Variants in RAB17 observed in about 807,000 individuals in gnomAD.
The protein encoded by RAB17 is ras-related protein Rab-17.
Under a neutral mutation model 19.3 loss-of-function variants are expected in RAB17, and 15 were observed. That is an observed-to-expected ratio of 0.78 (90% CI 0.52 to 1.20). The LOEUF is 1.20. RAB17 is among the 50% of genes most tolerant of loss of function. RAB17 has a pLI of 0.00. For missense variants in RAB17, 262 were observed against 269.3 expected, an observed-to-expected ratio of 0.97 and a Z score of 0.19; for synonymous variants, 110 against 112.8, an observed-to-expected ratio of 0.97 and a Z score of 0.16.
intron 2 of RAB17, among the ~76,000 whole-genome samples, chr2:237,581,995 C>A (rs1934999965): frequency 6.6e-6 from 1 of 152,260 alleles, no homozygotes; most frequent in South Asian, 2.1e-4. Flanking sequence ...GGAGGTCCAG[C>A]CCCCGTCCCT....
chr2:237,577,142 AGTGTGTGCGTGTGT>A (rs768786350), intron 4 of RAB17, 101 bp downstream of exon 4: 10 of 1,256,668 alleles, frequency 8.0e-6, no homozygotes, highest in Non-Finnish European at 1.1e-5. Flanking sequence ...CACATGTGTA[AGTGTGTGCGTGTGT>A]GGGTGTGCGT....
At chr2:237,589,941 T>G (rs935853088) in intron 1 of RAB17, among the ~76,000 whole-genome samples, 3 of 152,244 alleles carry the variant, frequency 2.0e-5, no homozygotes, top group African/African-American at 7.2e-5. Flanking sequence ...TGTGTCACCC[T>G]TGCCTGGGGC....
chr2:237,580,048 G>A (rs1323222698), intron 2 of RAB17, among the ~76,000 whole-genome samples: 1 of 152,344 alleles, frequency 6.6e-6, no homozygotes, highest in African/African-American at 2.4e-5. Flanking sequence ...TGACAATGGT[G>A]CCAGAATGAA....
chr2:237,575,049 G>C lies in RAB17; in HGVS notation c.609C>G (p.Pro203=), dbSNP rs368761463. ...GDAAVALNKG[P]ARQAKCCAH ...GGGCGCAGCATTTGGCCTGCCTCGC[G>C]GGCCCCTTGTTCAGAGCCACAGCTG... The change falls in exon 6 of 6, where the codon CCC becomes CCG. Residue 203 remains proline (P), a synonymous_variant. Coordinates refer to ENST00000264601, the MANE Select transcript of RAB17 (RefSeq NM_022449.4). The C allele has an allele frequency of 1.2e-6, 2 of 1,613,264 alleles. No homozygotes were observed. The highest frequency in any genetic ancestry group is 3.3e-5 in the Admixed American group (2 of 59,986).
In RAB17 at chr2:237,578,014, A is replaced by T. The variant is rs768663925; in HGVS notation, c.299T>A (p.Ile100Asn). The T allele has an allele frequency of 1.1e-5, 17 of 1,601,738 alleles. No individual in the cohort carries two copies. The highest frequency in any genetic ancestry group is 1.5e-5 in the Non-Finnish European group (17 of 1,170,096). Residue 100 changes from isoleucine (I) to asparagine (N), a missense_variant, in exon 3 of 6, where the codon ATC becomes AAC. Transcript: ENST00000264601. ...GANAALLVYDITRKDSFLKAQ... is the reference protein window; with the variant it reads ...GANAALLVYDNTRKDSFLKAQ... ...CAAGGCGGGCCCTACCTTCCTGGTG[A>T]TGTCGTACACCAGAAGCGCAGCGTT... is the stretch of plus-strand genomic sequence containing the variant.
rs1175229687 is a variant in RAB17, at chr2:237,590,621, A to G, written c.-158T>C. Reference sequence around the variant, plus strand: ...ACAGGACAGGAGGAGCCTCTACTCCAATGGAAAACAGCCGCAGAGCAGAGG... The same window carrying G: ...ACAGGACAGGAGGAGCCTCTACTCCGATGGAAAACAGCCGCAGAGCAGAGG... On this transcript the variant is annotated 5_prime_UTR_variant, in exon 1 of 6. Coordinates refer to ENST00000264601, the MANE Select transcript of RAB17 (RefSeq NM_022449.4). The G allele has an allele frequency of 6.6e-6, 1 of 152,520 alleles. No homozygotes were observed. The highest frequency in any genetic ancestry group is 1.5e-5 in the Non-Finnish European group (1 of 68,322). 9.4% of individuals were successfully genotyped at this position (152,520 alleles called of 1,614,324 possible).
intron 2 of RAB17, among the ~76,000 whole-genome samples, chr2:237,579,728 A>AGACG (rs2081294283): frequency 6.7e-6 from 1 of 149,818 alleles, no homozygotes; most frequent in Non-Finnish European, 1.5e-5. Context: ...TGCACCCACT[A>AGACG]GACAGAGAAC....
chr2:237,585,521 T>G (rs1210911261), intron 2 of RAB17: 1 of 114,968 alleles, frequency 8.7e-6, no homozygotes, highest in Non-Finnish European at 1.9e-5. Flanking sequence ...CCACCCCCAA[T>G]CCAGGCCAAG....
intron 3 of RAB17, 127 bp from the exon 4 acceptor site, chr2:237,577,509 C>A: frequency 8.9e-7 from 1 of 1,126,048 alleles, no homozygotes; most frequent in South Asian, 1.6e-5. Context: ...TGGCCATGGG[C>A]GCACCTGCAG....
intron 2 of RAB17, chr2:237,578,521 C>A: frequency 5.5e-6 from 1 of 181,014 alleles, no homozygotes; most frequent in South Asian, 1.5e-4. Flanking sequence ...CTCTGGGAAC[C>A]CCTAGAGCCC....
chr2:237,585,862 G>T (rs544624080), intron 2 of RAB17, 136 bp downstream of exon 2: 2 of 858,478 alleles, frequency 2.3e-6, no homozygotes, highest in South Asian at 2.1e-5. Flanking sequence ...CTCCCCTCAC[G>T]CACTGGACAC....
At chr2:237,575,231 C>A (rs111491353) in intron 5 of RAB17, 103 bp from the exon 6 acceptor site, 27,630 of 1,108,936 alleles carry the variant, frequency 0.025, 478 homozygotes, top group Middle Eastern at 0.035. Context: ...CTGTGTTTAC[C>A]CTGAACCATA....
chr2:237,575,705 G>T, intron 4 of RAB17: 1 of 518,446 alleles, frequency 1.9e-6, no homozygotes, highest in Non-Finnish European at 3.5e-6. Flanking sequence ...GCGGGGTGCG[G>T]CCTTCCTCCT....
intron 2 of RAB17, among the ~76,000 whole-genome samples, chr2:237,582,682 AAAG>A: frequency 1.3e-5 from 2 of 152,350 alleles, no homozygotes; most frequent in South Asian, 4.1e-4. Context: ...ACACGTGACA[AAAG>A]AAGCAGGAGT....
chr2:237,583,897 G>A (rs1458086273), intron 2 of RAB17, among the ~76,000 whole-genome samples: 1 of 152,038 alleles, frequency 6.6e-6, no homozygotes, highest in African/African-American at 2.4e-5. Context: ...AGAGGACCAG[G>A]AGTAGAGTGA....
chr2:237,583,455 C>T, intron 2 of RAB17, among the ~76,000 whole-genome samples: 1 of 152,212 alleles, frequency 6.6e-6, no homozygotes, highest in East Asian at 1.9e-4. Flanking sequence ...GCAGAGGAGA[C>T]CATGGTTCCC....
At position 237,575,049 on chromosome 2, in the gene RAB17, G is replaced by A. The variant is rs368761463; in HGVS notation, c.609C>T (p.Pro203=). The A allele has an allele frequency of 1.2e-5, 20 of 1,613,146 alleles. No individual in the cohort carries two copies. The highest frequency in any genetic ancestry group is 3.3e-4 in the Middle Eastern group (2 of 6,062). ...GGGCGCAGCATTTGGCCTGCCTCGCGGGCCCCTTGTTCAGAGCCACAGCTG... is the reference window on the plus strand; with the variant it reads ...GGGCGCAGCATTTGGCCTGCCTCGCAGGCCCCTTGTTCAGAGCCACAGCTG... ...GDAAVALNKG[P]ARQAKCCAH Residue 203 remains proline, a synonymous_variant, in exon 6 of 6, where the codon CCC becomes CCT. Coordinates refer to ENST00000264601, the MANE Select transcript of RAB17 (RefSeq NM_022449.4).
intron 1 of RAB17, among the ~76,000 whole-genome samples, chr2:237,589,880 G>A (rs1319438758): frequency 6.6e-6 from 1 of 152,130 alleles, no homozygotes; most frequent in Non-Finnish European, 1.5e-5. Context: ...GCGGGGAAGG[G>A]GCCATTCCAG....
At chr2:237,576,307 C>T (rs1212426886) in intron 4 of RAB17, among the ~76,000 whole-genome samples, 1 of 152,172 alleles carries the variant, frequency 6.6e-6, no homozygotes, top group Non-Finnish European at 1.5e-5. Context: ...GCTCCAAACC[C>T]ACCCTGGCCG....
Sources: allele counts gnomAD v4.1 joint callset (sites outside exome capture counted in the v4.1 genomes callset), GRCh38; gene constraint gnomAD v4.1.1; transcripts MANE v1.5; gene names NCBI Gene and HGNC (gene_info 2026-07-23, HGNC 2026-07-21).